The following CELF2 variants were observed in gnomAD, a reference collection of about 807,000 sequenced individuals.
The protein encoded by CELF2 is CUGBP Elav-like family member 2, also known as CUG triplet repeat RNA-binding protein 2.
Under a neutral mutation model 62.6 loss-of-function variants are expected in CELF2, and 8 were observed. The observed-to-expected ratio is 0.13, with a 90% CI of 0.07 to 0.23. CELF2 has a LOEUF of 0.23. CELF2 is among the 10% of genes least tolerant of loss of function. The pLI, the probability that CELF2 is intolerant of heterozygous loss-of-function variation, is 1.00. For missense variants in CELF2, 333 were observed against 671.0 expected, an observed-to-expected ratio of 0.50 and a Z score of 5.56; for synonymous variants, 258 against 250.0, an observed-to-expected ratio of 1.03 and a Z score of -0.30.
chr10:10,525,601 T>G, the CELF2 span, among the ~76,000 whole-genome samples: 2 of 152,220 alleles, frequency 1.3e-5, no homozygotes, highest in Non-Finnish European at 2.9e-5. Context: ...AATTTGTCTT[T>G]CTTTGCCTGG....
the CELF2 span, among the ~76,000 whole-genome samples, chr10:10,740,535 A>C: frequency 6.6e-6 from 1 of 152,172 alleles, no homozygotes; most frequent in South Asian, 2.1e-4. Flanking sequence ...CTGTCATGGT[A>C]ATCCAGCAAT....
chr10:11,326,662 G>C (rs1189786328), intron 12 of CELF2, among the ~76,000 whole-genome samples: 4 of 152,200 alleles, frequency 2.6e-5, no homozygotes. Flanking sequence ...CAGGACAATA[G>C]CATTCATTAA....
At chr10:10,848,801 C>T (rs773878153) in intron 1 of CELF2, among the ~76,000 whole-genome samples, 4 of 152,228 alleles carry the variant, frequency 2.6e-5, no homozygotes, top group African/African-American at 9.6e-5. Flanking sequence ...ATCTAGAAAA[C>T]GGAGATTAGA....
chr10:10,469,198 A>G, the CELF2 span, among the ~76,000 whole-genome samples: 1 of 151,950 alleles, frequency 6.6e-6, no homozygotes, highest in Non-Finnish European at 1.5e-5. Flanking sequence ...ACAAATTTCC[A>G]TGTTATCGTG....
the CELF2 span, among the ~76,000 whole-genome samples, chr10:10,653,302 G>A: frequency 9.3e-5 from 14 of 150,996 alleles, no homozygotes; most frequent in African/African-American, 2.7e-4. Context: ...ACATTAGACA[G>A]ATCAACGAGA....
the CELF2 span, among the ~76,000 whole-genome samples, chr10:10,548,865 C>G: frequency 6.6e-6 from 1 of 152,234 alleles, no homozygotes; most frequent in East Asian, 1.9e-4. Flanking sequence ...CTCCTCTTGA[C>G]CAACCCCAAT....
intron 1 of CELF2, among the ~76,000 whole-genome samples, chr10:11,074,033 AGTT>A (rs1211254883): frequency 3.9e-5 from 6 of 152,202 alleles, no homozygotes; most frequent in East Asian, 1.9e-4. Flanking sequence ...GAGGGTCTGT[AGTT>A]GTTATCAGAA....
intron 1 of CELF2, among the ~76,000 whole-genome samples, chr10:11,124,457 T>C (rs1272141680): frequency 3.9e-5 from 6 of 152,176 alleles, no homozygotes; most frequent in African/African-American, 1.4e-4. Flanking sequence ...TGAAAATAAA[T>C]TGCATTACAA....
the CELF2 span, among the ~76,000 whole-genome samples, chr10:10,697,172 G>A: frequency 8.5e-3 from 1,294 of 152,236 alleles, 21 homozygotes; most frequent in African/African-American, 0.029. Context: ...TGAGTTTGGG[G>A]TATGTTGAGC....
At chr10:11,164,794 G>A (rs1007937385) in intron 1 of CELF2, among the ~76,000 whole-genome samples, 7 of 151,854 alleles carry the variant, frequency 4.6e-5, no homozygotes, top group Non-Finnish European at 1.0e-4. Flanking sequence ...TCCCAGCTCC[G>A]GCCTTTTTCT....
intron 8 of CELF2, among the ~76,000 whole-genome samples, chr10:11,279,796 A>G (rs1590470532): frequency 6.6e-6 from 1 of 152,342 alleles, no homozygotes; most frequent in East Asian, 1.9e-4. Flanking sequence ...TGTTTGGTAC[A>G]TAATTTCTTC....
chr10:10,684,141 A>G, the CELF2 span, among the ~76,000 whole-genome samples: 2 of 152,230 alleles, frequency 1.3e-5, no homozygotes, highest in African/African-American at 2.4e-5. Flanking sequence ...CACGGATGAT[A>G]GAGGACTGTG....
At chr10:10,874,384 A>G (rs2060954928) in intron 1 of CELF2, among the ~76,000 whole-genome samples, 1 of 152,114 alleles carries the variant, frequency 6.6e-6, no homozygotes, top group Non-Finnish European at 1.5e-5. Flanking sequence ...GAAAATAAAA[A>G]AGAAAGAACG....
At chr10:10,542,470 C>A in the CELF2 span, among the ~76,000 whole-genome samples, 1 of 152,312 alleles carries the variant, frequency 6.6e-6, no homozygotes, top group East Asian at 1.9e-4. Flanking sequence ...AGGCAGCCAC[C>A]ATCTCTTGCT....
intron 1 of CELF2, among the ~76,000 whole-genome samples, chr10:10,868,584 C>T (rs149702885): frequency 6.6e-6 from 1 of 152,310 alleles, no homozygotes; most frequent in Non-Finnish European, 1.5e-5. Flanking sequence ...AGAAAGGTCA[C>T]ATGGCAGAAG....
At chr10:10,698,782 C>G in the CELF2 span, among the ~76,000 whole-genome samples, 1 of 152,208 alleles carries the variant, frequency 6.6e-6, no homozygotes, top group South Asian at 2.1e-4. Flanking sequence ...CCCATCCTTA[C>G]ACGCCAACAC....
At chr10:10,759,704 T>A in the CELF2 span, among the ~76,000 whole-genome samples, 4 of 152,038 alleles carry the variant, frequency 2.6e-5, no homozygotes, top group Non-Finnish European at 4.4e-5. Flanking sequence ...ATCACCATTG[T>A]CATGGTGATT....
rs1409183177 is a variant in CELF2 at position 11,297,002 on chromosome 10, G to T, written c.976+8450G>T. ...GGGCTCAGGAGCTGGGACTTTTCCT[G>T]TCAGCAGTGAAGAGCTATTCAGGAC... is the stretch of plus-strand genomic sequence containing the variant. On this transcript the variant is annotated intron_variant, in intron 9 of 12. Coordinates refer to ENST00000633077, the MANE Select transcript of CELF2 (RefSeq NM_001326342.2). This position sits in a 1 kb window ranked among gnomAD's most constrained non-coding sequence, Gnocchi z 4.4. Among the ~76,000 whole-genome samples, 1 of 152,188 alleles carries T rather than the reference G, an allele frequency of 6.6e-6. No homozygotes were observed. Among genetic ancestry groups the T allele is most frequent in the Non-Finnish European group, 1.5e-5 (1 of 68,024 alleles).
chr10:10,464,067 C>T, the CELF2 span, among the ~76,000 whole-genome samples: 1 of 151,986 alleles, frequency 6.6e-6, no homozygotes, highest in African/African-American at 2.4e-5. Context: ...GTCTCTATAG[C>T]TATTCTATCT....
Sources: gnomAD v4.1 joint callset for allele counts (sites outside exome capture counted in the v4.1 genomes callset) on GRCh38, gnomAD v4.1.1 for gene constraint, Gnocchi (gnomAD v3.1) non-coding constraint, MANE v1.5 for transcripts, NCBI Gene and HGNC (gene_info 2026-07-23, HGNC 2026-07-21) for gene names.